Variants in SKAP2 observed in about 807,000 individuals in gnomAD.
The protein encoded by SKAP2 is src kinase-associated phosphoprotein 2.
In SKAP2, 28 loss-of-function variants were observed where a neutral mutation model predicts 54.9. That is an observed-to-expected ratio of 0.51 (90% CI 0.38 to 0.70). The LOEUF is 0.70. Ranked by LOEUF, SKAP2 falls within the 30% of genes least tolerant of loss-of-function variation. The probability of loss-of-function intolerance (pLI) is 0.00; values close to 1 mark genes in which losing one functional copy is unlikely to be tolerated. For missense variants in SKAP2, 356 were observed against 424.1 expected, an observed-to-expected ratio of 0.84 and a Z score of 1.41; for synonymous variants, 137 against 134.3, an observed-to-expected ratio of 1.02 and a Z score of -0.14.
At chr7:26,795,053 CAT>C (rs1307270612) in intron 4 of SKAP2, among the ~76,000 whole-genome samples, 1 of 152,142 alleles carries the variant, frequency 6.6e-6, no homozygotes, top group African/African-American at 2.4e-5. Flanking sequence ...TAAGTGGACA[CAT>C]GTTTGAGAAC....
chr7:26,784,848 T>C (rs1396436531), intron 4 of SKAP2, among the ~76,000 whole-genome samples: 2 of 152,194 alleles, frequency 1.3e-5, no homozygotes, highest in Non-Finnish European at 2.9e-5. Flanking sequence ...GGAAGTATAC[T>C]GATGTCTGCA....
chr7:26,769,670 C>T (rs1167989683), intron 4 of SKAP2, among the ~76,000 whole-genome samples: 1 of 152,114 alleles, frequency 6.6e-6, no homozygotes, highest in Non-Finnish European at 1.5e-5. Flanking sequence ...GATGTTGAAG[C>T]CATTGCTTTC....
intron 4 of SKAP2, among the ~76,000 whole-genome samples, chr7:26,784,697 A>G (rs951205910): frequency 6.6e-6 from 1 of 152,354 alleles, no homozygotes; most frequent in East Asian, 1.9e-4. Context: ...ACACAGTGGG[A>G]GTTCAAAGTC....
chr7:26,690,962 T>C (rs2127940570), intron 9 of SKAP2, among the ~76,000 whole-genome samples: 1 of 152,302 alleles, frequency 6.6e-6, no homozygotes, highest in South Asian at 2.1e-4. Context: ...ATCTTCATCC[T>C]TTGAGGTAAT....
Position 26,792,487 on chromosome 7 carries a change from T to C in SKAP2, c.307+51543A>G, listed in dbSNP as rs191060502. Among the ~76,000 whole-genome samples, 295 of 152,326 alleles carry C rather than the reference T, an allele frequency of 1.9e-3. 1 individual carries two copies. The highest frequency in any genetic ancestry group is 6.9e-3 in the African/African-American group (287 of 41,582). On this transcript the variant is annotated intron_variant, in intron 4 of 12. Coordinates refer to ENST00000345317, the MANE Select transcript of SKAP2 (RefSeq NM_003930.5). ...GACCTGTGTATCCCAAACACATTAATAATTTAGTCTAATGAACAAAAAAAC... is the reference window on the plus strand; with the variant it reads ...GACCTGTGTATCCCAAACACATTAACAATTTAGTCTAATGAACAAAAAAAC...
At chr7:26,824,759 G>A (rs995831245) in intron 4 of SKAP2, among the ~76,000 whole-genome samples, 5 of 152,144 alleles carry the variant, frequency 3.3e-5, no homozygotes, top group Non-Finnish European at 5.9e-5. Context: ...AAACAAATAC[G>A]TATGGCTGTG....
At chr7:26,863,867 C>G (rs1018826061) in intron 1 of SKAP2, among the ~76,000 whole-genome samples, 2 of 152,122 alleles carry the variant, frequency 1.3e-5, no homozygotes, top group Non-Finnish European at 2.9e-5. Flanking sequence ...ATGACAAACT[C>G]TTTCACCCCA....
chr7:26,717,654 T>C (rs1477883357), intron 9 of SKAP2, among the ~76,000 whole-genome samples: 2 of 145,820 alleles, frequency 1.4e-5, no homozygotes, highest in South Asian at 2.2e-4. Flanking sequence ...GGCAAAACCC[T>C]GTCTCTACTA....
At chr7:26,810,420 T>G (rs567285756) in intron 4 of SKAP2, among the ~76,000 whole-genome samples, 1 of 151,786 alleles carries the variant, frequency 6.6e-6, no homozygotes, top group African/African-American at 2.4e-5. Context: ...CACTGAGGAA[T>G]AGGAGGAATG....
chr7:26,738,156 C>T (rs1018825499), intron 6 of SKAP2, among the ~76,000 whole-genome samples: 1 of 152,136 alleles, frequency 6.6e-6, no homozygotes, highest in African/African-American at 2.4e-5. Flanking sequence ...CTAGATCTGC[C>T]ATTTTCCAAC....
chr7:26,837,480 C>T (rs1310027215), intron 4 of SKAP2, among the ~76,000 whole-genome samples: 10 of 151,994 alleles, frequency 6.6e-5, no homozygotes, highest in Non-Finnish European at 1.0e-4. Context: ...GCACAACACA[C>T]GGTAAAAGAA....
chr7:26,710,563 A>G (rs1787278567), intron 9 of SKAP2, among the ~76,000 whole-genome samples: 1 of 152,186 alleles, frequency 6.6e-6, no homozygotes, highest in South Asian at 2.1e-4. Flanking sequence ...AATGTATGGG[A>G]TATGCGTGGG....
At position 26,701,380 on chromosome 7, in the gene SKAP2, A is replaced by C. The variant is rs79139235; in HGVS notation, c.797-11018T>G. 1.1e-4 allele frequency among the ~76,000 whole-genome samples: 17 copies of C among 152,288 alleles called. No individual in the cohort carries two copies. In the East Asian group the frequency reaches 3.1e-3, roughly 28 times the overall value. ...TTATCATAATTTATAAATGTAAGCT[A>C]TTTTCATATTTTCTTTGGTTATTCA... On this transcript the variant is annotated intron_variant, in intron 9 of 12. Coordinates refer to ENST00000345317, the MANE Select transcript of SKAP2 (RefSeq NM_003930.5).
chr7:26,710,748 A>AG (rs1787283296), intron 9 of SKAP2, among the ~76,000 whole-genome samples: 1 of 152,206 alleles, frequency 6.6e-6, no homozygotes, highest in Non-Finnish European at 1.5e-5. Flanking sequence ...GGAGCAGCAG[A>AG]AAGATAGGAC....
intron 6 of SKAP2, among the ~76,000 whole-genome samples, chr7:26,732,737 C>A (rs1008385865): frequency 6.6e-6 from 1 of 152,190 alleles, no homozygotes; most frequent in African/African-American, 2.4e-5. Context: ...TATGAACATT[C>A]TCCTTTGGTT....
chr7:26,750,700 C>T (rs1782662312), intron 4 of SKAP2, among the ~76,000 whole-genome samples: 1 of 151,944 alleles, frequency 6.6e-6, no homozygotes, highest in Non-Finnish European at 1.5e-5. Context: ...TGAAATACTT[C>T]CATTTTGGTT....
chr7:26,684,059 C>A (rs1383536013), intron 11 of SKAP2, among the ~76,000 whole-genome samples: 1 of 151,944 alleles, frequency 6.6e-6, no homozygotes, highest in African/African-American at 2.4e-5. Flanking sequence ...AGTATAATCA[C>A]AATAAGAAAC....
intron 3 of SKAP2, among the ~76,000 whole-genome samples, chr7:26,847,814 T>C (rs150532979): frequency 2.0e-4 from 31 of 152,306 alleles, no homozygotes; most frequent in African/African-American, 7.2e-4. Flanking sequence ...GTAAAAGTTA[T>C]TGCACAAAGA....
At chr7:26,841,812 A>T (rs2127995261) in intron 4 of SKAP2, among the ~76,000 whole-genome samples, 1 of 152,190 alleles carries the variant, frequency 6.6e-6, no homozygotes, top group East Asian at 1.9e-4. Flanking sequence ...AACCCATTGA[A>T]GTTTAGATAC....
Sources: gnomAD v4.1 joint callset for allele counts (sites outside exome capture counted in the v4.1 genomes callset) on GRCh38, gnomAD v4.1.1 for gene constraint, MANE v1.5 for transcripts, NCBI Gene and HGNC (gene_info 2026-07-23, HGNC 2026-07-21) for gene names.